The following RAB8B variants were observed in gnomAD, a reference collection of about 807,000 sequenced individuals.
The protein encoded by RAB8B is RAB8B, member RAS oncogene family, also known as ras-related protein Rab-8B.
In RAB8B, 11 loss-of-function variants were observed where a neutral mutation model predicts 32.0. The ratio of observed to expected loss-of-function variants is 0.34; its 90% confidence interval spans 0.22 to 0.57. The LOEUF (loss-of-function observed/expected upper bound fraction) is 0.57. Among genes scored for constraint, RAB8B ranks in the 20% least tolerant of loss-of-function variants. The pLI is 0.86. For missense variants in RAB8B, 190 were observed against 258.5 expected (o/e 0.73, Z 1.82); for synonymous variants, 103 against 89.6 (o/e 1.15, Z -0.85).
At chr15:63,230,561 C>T (rs1324306464) in intron 1 of RAB8B, among the ~76,000 whole-genome samples, 1 of 152,202 alleles carries the variant, frequency 6.6e-6, no homozygotes, top group Non-Finnish European at 1.5e-5. Flanking sequence ...CTGGACTTCC[C>T]AAAATGCTGG....
chr15:63,204,916 G>A (rs1339248710), intron 1 of RAB8B, among the ~76,000 whole-genome samples: 1 of 152,196 alleles, frequency 6.6e-6, no homozygotes, highest in African/African-American at 2.4e-5. Flanking sequence ...CAAGCACTTT[G>A]GGAGGCCGAG....
chr15:63,225,305 G>T (rs7179092), intron 1 of RAB8B, among the ~76,000 whole-genome samples: 2 of 152,148 alleles, frequency 1.3e-5, no homozygotes, highest in Non-Finnish European at 2.9e-5. Context: ...CAGAATTTCA[G>T]ACTTGACCAG....
chr15:63,195,439 A>C (rs1032310376), intron 1 of RAB8B, among the ~76,000 whole-genome samples: 10 of 152,252 alleles, frequency 6.6e-5, no homozygotes, highest in African/African-American at 2.2e-4. Context: ...GCTGTTCTGC[A>C]GGCAGCAAGT....
intron 1 of RAB8B, among the ~76,000 whole-genome samples, chr15:63,228,499 T>G (rs1349894731): frequency 2.0e-5 from 3 of 152,264 alleles, no homozygotes; most frequent in African/African-American, 7.2e-5. Context: ...TGGATTTGTT[T>G]CTGCAGATGG....
At chr15:63,257,151 A>G (rs973107295) in intron 5 of RAB8B, among the ~76,000 whole-genome samples, 1 of 152,188 alleles carries the variant, frequency 6.6e-6, no homozygotes, top group African/African-American at 2.4e-5. Context: ...TTTTGTGTAC[A>G]TATTTACTTC....
At chr15:63,234,694 T>C (rs1221597976) in intron 1 of RAB8B, among the ~76,000 whole-genome samples, 13 of 152,194 alleles carry the variant, frequency 8.5e-5, no homozygotes, top group Admixed American at 8.5e-4. Flanking sequence ...CGAGCTCTGA[T>C]GCCCTGTGGG....
chr15:63,201,315 A>T (rs922407210), intron 1 of RAB8B, among the ~76,000 whole-genome samples: 1 of 152,228 alleles, frequency 6.6e-6, no homozygotes, highest in African/African-American at 2.4e-5. Flanking sequence ...GGAGGGAATT[A>T]TATCTCAGCT....
intron 1 of RAB8B, among the ~76,000 whole-genome samples, chr15:63,190,774 C>T (rs570504931): frequency 6.6e-5 from 10 of 152,308 alleles, no homozygotes; most frequent in African/African-American, 2.4e-4. Context: ...TTAAATCCTT[C>T]GGTTTGAATG....
intron 6 of RAB8B, among the ~76,000 whole-genome samples, chr15:63,262,463 C>G (rs565845065): frequency 6.6e-6 from 1 of 151,802 alleles, no homozygotes; most frequent in South Asian, 2.1e-4. Context: ...ATGAAAAATT[C>G]TGTATTTCTG....
intron 1 of RAB8B, among the ~76,000 whole-genome samples, chr15:63,211,115 G>A (rs761690116): frequency 4.6e-5 from 7 of 152,214 alleles, no homozygotes; most frequent in Non-Finnish European, 8.8e-5. Flanking sequence ...TGAGATGTGC[G>A]TCTTATCTGC....
chr15:63,249,574 T>A (rs2038098032), intron 2 of RAB8B, 71 bp from the exon 3 acceptor site: 1 of 1,414,240 alleles, frequency 7.1e-7, no homozygotes, highest in Non-Finnish European at 9.9e-7. Context: ...TTACATCTCC[T>A]ACAGCAGGGT....
rs980780884 is a variant in RAB8B, at chr15:63,256,440, A to G, written c.325-65A>G. 1.5e-5 allele frequency: 17 copies of G among 1,150,868 alleles called. No homozygotes were observed. The African/African-American group carries it at 2.7e-4, about 18-fold the overall frequency. 71.3% of individuals were successfully genotyped at this position (1,150,868 alleles called of 1,614,324 possible). The stretch of plus-strand genomic sequence containing the variant: ...AATTCATGTGTTTCTGACAGGTTGG[A>G]TTTGTCTATTAAGTAACGGGTTTTT... On this transcript the variant is annotated intron_variant, in intron 4 of 7. Transcript: ENST00000321437.
At chr15:63,209,494 G>T (rs1034270720) in intron 1 of RAB8B, among the ~76,000 whole-genome samples, 1 of 151,966 alleles carries the variant, frequency 6.6e-6, no homozygotes, top group Non-Finnish European at 1.5e-5. Context: ...GGAAGGCTGA[G>T]GCAGGAGAAT....
intron 1 of RAB8B, among the ~76,000 whole-genome samples, chr15:63,199,834 A>G (rs747945418): frequency 6.6e-5 from 10 of 151,690 alleles, no homozygotes; most frequent in African/African-American, 9.7e-5. Flanking sequence ...GCCCGCCTCA[A>G]CCTCCCAAAG....
chr15:63,263,466 G>T, intron 7 of RAB8B, 61 bp from the exon 8 acceptor site: 1 of 1,277,564 alleles, frequency 7.8e-7, no homozygotes, highest in Non-Finnish European at 1.1e-6. Context: ...TATTTTTTAG[G>T]TAACTGAGGT....
rs540122632 is a variant in RAB8B at position 63,266,837 on chromosome 15, A to G, written c.*3218A>G. On this transcript the variant is annotated 3_prime_UTR_variant, in exon 8 of 8. Transcript: ENST00000321437. ...GCTCAGAGTCTATATTAAGGCTTAT[A>G]AAGTTTTTCCTGTGATCAGTAAGTG... 2 of 152,776 alleles carry G rather than the reference A, an allele frequency of 1.3e-5. No individual in the cohort carries two copies. The highest frequency in any genetic ancestry group is 4.8e-5 in the African/African-American group (2 of 41,592). The allele number at this position is 152,776 out of a possible 1,614,324, so 9.5% of individuals were successfully genotyped here.
At chr15:63,212,836 A>T (rs2037759446) in intron 1 of RAB8B, among the ~76,000 whole-genome samples, 1 of 152,220 alleles carries the variant, frequency 6.6e-6, no homozygotes, top group Admixed American at 6.5e-5. Flanking sequence ...AGATGTCCGT[A>T]TGTGATTATA....
chr15:63,213,147 T>G (rs915469375), intron 1 of RAB8B, among the ~76,000 whole-genome samples: 2 of 152,200 alleles, frequency 1.3e-5, no homozygotes, highest in Non-Finnish European at 2.9e-5. Context: ...AATTTCAGCT[T>G]GTACACAGAT....
At chr15:63,204,151 G>C (rs993502064) in intron 1 of RAB8B, among the ~76,000 whole-genome samples, 1 of 151,998 alleles carries the variant, frequency 6.6e-6, no homozygotes, top group Admixed American at 6.6e-5. Context: ...AAATATGAGC[G>C]GGAGCATTCA....
Sources: allele counts gnomAD v4.1 joint callset (sites outside exome capture counted in the v4.1 genomes callset), GRCh38; gene constraint gnomAD v4.1.1; transcripts MANE v1.5; gene names NCBI Gene and HGNC (gene_info 2026-07-23, HGNC 2026-07-21).